The following MYSM1 variants were observed in gnomAD, a reference collection of about 807,000 sequenced individuals.
MYSM1 encodes the protein deubiquitinase MYSM1.
MYSM1 carries 51 observed loss-of-function variants against 116.0 expected under a neutral mutation model. The observed-to-expected ratio is 0.44, with a 90% confidence interval of 0.35 to 0.56. The LOEUF is 0.56. Ranked by LOEUF, MYSM1 falls within the 20% of genes least tolerant of loss-of-function variation. MYSM1 has a pLI of 0.00. For missense variants in MYSM1, 900 were observed against 974.9 expected, an observed-to-expected ratio of 0.92 and a Z score of 1.02; for synonymous variants, 313 against 315.2, an observed-to-expected ratio of 0.99 and a Z score of 0.07.
At chr1:58,665,284 T>C (rs1644450989) in intron 17 of MYSM1, among the ~76,000 whole-genome samples, 1 of 152,196 alleles carries the variant, frequency 6.6e-6, no homozygotes, top group African/African-American at 2.4e-5. Flanking sequence ...TTTTGCCCAG[T>C]GGCCATGGTA....
At chr1:58,677,369 T>C (rs1644670275) in intron 8 of MYSM1, among the ~76,000 whole-genome samples, 1 of 152,180 alleles carries the variant, frequency 6.6e-6, no homozygotes, top group Non-Finnish European at 1.5e-5. Flanking sequence ...ATTGAATCTT[T>C]AAATACAAAG....
At chr1:58,664,242 T>C (rs1180965111) in intron 17 of MYSM1, among the ~76,000 whole-genome samples, 2 of 152,230 alleles carry the variant, frequency 1.3e-5, no homozygotes, top group Non-Finnish European at 2.9e-5. Context: ...AAAAATGATT[T>C]AAAGAGAACA....
rs1644498635 is a variant in MYSM1, at chr1:58,667,886, C to T, written c.1803G>A (p.Leu601=). The part of the protein sequence containing the change: ...AHVSMAEVIG[L]LGGRYSEVDK... ...CAACTTCTGAGTATCTTCCTCCTAA[C>T]AGACCAATCACTTCTGCCATAGAAA... Residue 601 remains leucine (L), a synonymous_variant, in exon 15 of 20, where the codon CTG becomes CTA. Coordinates refer to ENST00000472487, the MANE Select transcript of MYSM1 (RefSeq NM_001085487.3). 6.2e-7 allele frequency: 1 copy of T among 1,612,776 alleles called. No individual in the cohort carries two copies. The highest frequency in any genetic ancestry group is 8.5e-7 in the Non-Finnish European group (1 of 1,178,890).
chr1:58,697,554 G>A (rs192426064), intron 1 of MYSM1, among the ~76,000 whole-genome samples: 1 of 151,724 alleles, frequency 6.6e-6, no homozygotes, highest in Admixed American at 6.6e-5. Context: ...AGGAGAATGA[G>A]ACAGAATGGT....
Position 58,685,261 on chromosome 1 carries a change from T to A in MYSM1, c.400-10A>T. The A allele has an allele frequency of 6.3e-7, 1 of 1,591,628 alleles. No homozygotes were observed. Among genetic ancestry groups the A allele is most frequent in the African/African-American group, 1.4e-5 (1 of 73,608 alleles). Reference sequence around the variant, plus strand: ...TTCGGCCAAATTTAGCCTGTATTATTAAAATGGGAAAAAAAATTGCTTTTG... The same window carrying A: ...TTCGGCCAAATTTAGCCTGTATTATAAAAATGGGAAAAAAAATTGCTTTTG... On this transcript the variant is annotated splice_polypyrimidine_tract_variant and intron_variant, in intron 6 of 19. Transcript: ENST00000472487.
At chr1:58,674,521 T>G (rs1044580722) in intron 10 of MYSM1, among the ~76,000 whole-genome samples, 2 of 152,198 alleles carry the variant, frequency 1.3e-5, no homozygotes, top group African/African-American at 4.8e-5. Flanking sequence ...CTAAATACTC[T>G]GAGAAAAACA....
Position 58,655,472 on chromosome 1 carries a change from A to ATTTAT in MYSM1, c.*4524_*4525insATAAA, listed in dbSNP as rs1553133520. 1 of 151,860 alleles carries ATTTAT rather than the reference A, an allele frequency of 6.6e-6. No individual in the cohort carries two copies. Among genetic ancestry groups the ATTTAT allele is most frequent in the African/African-American group, 2.4e-5 (1 of 41,290 alleles). 9.4% of individuals were successfully genotyped at this position (151,860 alleles called of 1,614,324 possible). A position where few individuals can be genotyped will look rare whatever the true frequency, so the allele number is the denominator to read the frequency against. ...ATCACAGCTCCCCTGGGATATTTTT[A>ATTTAT]TTTTTTCCTGATTTAGTGGAGGCAA... On this transcript the variant is annotated 3_prime_UTR_variant, in exon 20 of 20. Transcript: ENST00000472487.
intron 14 of MYSM1, chr1:58,668,382 GAAACTTAA>G (rs1644506022): frequency 1.4e-5 from 16 of 1,171,962 alleles, no homozygotes; most frequent in Non-Finnish European, 1.3e-5. Flanking sequence ...ACATATATTA[GAAACTTAA>G]AATAGGGTTA....
chr1:58,667,102 T>C lies in MYSM1; in HGVS notation c.1967A>G (p.His656Arg), dbSNP rs1557507208. The change falls in exon 16 of 20, where the codon CAT becomes CGT. Residue 656 changes from histidine to arginine, a missense_variant. This residue lies in a region of MYSM1 where 92 missense variants were observed against 155.0 expected (regional missense o/e 0.59). Coordinates refer to ENST00000472487, the MANE Select transcript of MYSM1 (RefSeq NM_001085487.3). ...ATTAGGATCAAAAGCAGGATGAGAA[T>C]GATACCATCCAATAACACTGAAGCC... ...VRGFSVIGWY[H>R]SHPAFDPNPS... The C allele has an allele frequency of 6.2e-7, 1 of 1,613,628 alleles. No individual in the cohort carries two copies. Among genetic ancestry groups the C allele is most frequent in the East Asian group, 2.2e-5 (1 of 44,838 alleles).
In MYSM1 at chr1:58,682,106, T is replaced by C. The variant is rs1644754269; in HGVS notation, c.938A>G (p.Asp313Gly). Reference sequence around the variant, plus strand: ...TTTAATCAATTCATTAAATTTCTGGTCATTTAATTCAATTGATTTTTTGTC... The same window carrying C: ...TTTAATCAATTCATTAAATTTCTGGCCATTTAATTCAATTGATTTTTTGTC... Reference protein sequence around the residue: ...NGDKKSIELNDQKFNELIKNC... With the variant: ...NGDKKSIELNGQKFNELIKNC... Residue 313 changes from aspartate to glycine, a missense_variant, in exon 8 of 20, where the codon GAC (aspartate) becomes GGC (glycine). Asp to Gly is a moderately conservative substitution (Grantham distance 94). Transcript: ENST00000472487. 6.2e-7 allele frequency: 1 copy of C among 1,613,794 alleles called. No individual in the cohort carries two copies. Among genetic ancestry groups the C allele is most frequent in the Non-Finnish European group, 8.5e-7 (1 of 1,179,898 alleles).
intron 7 of MYSM1, 139 bp from the exon 8 acceptor site, chr1:58,682,684 T>C (rs112092119): frequency 2.5e-4 from 74 of 298,402 alleles, no homozygotes; most frequent in African/African-American, 1.5e-3. Flanking sequence ...AATGCGCTTT[T>C]CTTTTTTTTC....
intron 15 of MYSM1, among the ~76,000 whole-genome samples, chr1:58,667,559 A>C (rs946039245): frequency 6.6e-6 from 1 of 151,870 alleles, no homozygotes; most frequent in South Asian, 2.1e-4. Flanking sequence ...CTTTCAACTA[A>C]AGTGTTAGTA....
chr1:58,693,515 A>G (rs1048523903), intron 2 of MYSM1, among the ~76,000 whole-genome samples: 5 of 152,070 alleles, frequency 3.3e-5, no homozygotes, highest in Non-Finnish European at 5.9e-5. Context: ...TGCATTCCCA[A>G]CTCTACGAAA....
chr1:58,655,868 A>C lies in MYSM1; in HGVS notation c.*4129T>G, dbSNP rs1049038706. 54 of 152,278 alleles carry C rather than the reference A, an allele frequency of 3.5e-4. No individual in the cohort carries two copies. Among genetic ancestry groups the C allele is most frequent in the African/African-American group, 1.1e-3 (44 of 41,560 alleles). The allele number at this position is 152,278 out of a possible 1,614,324, so 9.4% of individuals were successfully genotyped here. On this transcript the variant is annotated 3_prime_UTR_variant, in exon 20 of 20. Transcript: ENST00000472487. ...TGCTTGGATAAAAGAAGTTTTCCTAAATACCATATATTGGTAGAGTATAGG... is the reference window on the plus strand; with the variant it reads ...TGCTTGGATAAAAGAAGTTTTCCTACATACCATATATTGGTAGAGTATAGG...
rs772030143 is a variant in MYSM1, at chr1:58,667,942, A to C, written c.1768-21T>G. 2.5e-6 allele frequency: 4 copies of C among 1,585,598 alleles called. No individual in the cohort carries two copies. The African/African-American group carries it at 5.4e-5, about 21-fold the overall frequency. ...GCATGCTAAAAGAAATACAAGACAG[A>C]CTTAGCCCAAACGCACAAACCCACC... On this transcript the variant is annotated intron_variant, in intron 14 of 19. Transcript: ENST00000472487.
At chr1:58,695,856 G>A (rs1419392852) in intron 1 of MYSM1, among the ~76,000 whole-genome samples, 2 of 152,122 alleles carry the variant, frequency 1.3e-5, no homozygotes, top group Non-Finnish European at 2.9e-5. Context: ...GCTCCTAAGA[G>A]CTCTTTAAAG....
In MYSM1 at chr1:58,682,453, T is replaced by C; in HGVS notation, c.591A>G (p.Thr197=). The change falls in exon 8 of 20, where the codon ACA becomes ACG. Residue 197 remains threonine (T), a synonymous_variant. Coordinates refer to ENST00000472487, the MANE Select transcript of MYSM1 (RefSeq NM_001085487.3). ...CAGCACGTCCCCTTAAACATGATGG[T>C]GTCCATGCCTTTGTCCCTTTATCTT... is the stretch of plus-strand genomic sequence containing the variant. The part of the protein sequence containing the change: ...KNEDKGTKAW[T]PSCLRGRADP... 6.2e-7 allele frequency: 1 copy of C among 1,614,180 alleles called. No homozygotes were observed. The highest frequency in any genetic ancestry group is 1.3e-5 in the African/African-American group (1 of 75,066).
intron 1 of MYSM1, among the ~76,000 whole-genome samples, chr1:58,697,306 G>T (rs1644989724): frequency 1.3e-5 from 2 of 152,122 alleles, no homozygotes; most frequent in Non-Finnish European, 2.9e-5. Flanking sequence ...GAGACATCCA[G>T]GTACAGATAG....
intron 10 of MYSM1, 79 bp downstream of exon 10, chr1:58,675,398 G>T: frequency 2.0e-6 from 2 of 1,001,582 alleles, no homozygotes; most frequent in Non-Finnish European, 3.1e-6. Flanking sequence ...TTATTAAACA[G>T]CTCAAGGTAA....
Sources: gnomAD v4.1 joint callset for allele counts (sites outside exome capture counted in the v4.1 genomes callset) on GRCh38, gnomAD v4.1.1 for gene constraint, gnomAD v4.1.1 regional missense constraint, MANE v1.5 for transcripts, NCBI Gene and HGNC (gene_info 2026-07-23, HGNC 2026-07-21) for gene names.